Variants in DKK3 observed in about 807,000 individuals in gnomAD.
The protein encoded by DKK3 is dickkopf-related protein 3.
Under a neutral mutation model 33.2 loss-of-function variants are expected in DKK3, and 22 were observed. The observed-to-expected ratio is 0.66, with a 90% CI of 0.47 to 0.95. The LOEUF (loss-of-function observed/expected upper bound fraction) is 0.95. DKK3 is among the 40% of genes least tolerant of loss of function. The pLI, the probability that DKK3 is intolerant of heterozygous loss-of-function variation, is 0.00. For missense variants in DKK3, 398 were observed against 458.4 expected (o/e 0.87, Z 1.20); for synonymous variants, 194 against 188.8 (o/e 1.03, Z -0.23).
upstream of DKK3, chr11:12,008,911 C>T: frequency 9.3e-7 from 1 of 1,073,508 alleles, no homozygotes. This position sits in a 1 kb window ranked among gnomAD's most constrained non-coding sequence, Gnocchi z 4.6. Context: ...GAACCCGGAT[C>T]CTCTACGCTA....
At chr11:11,996,488 C>T (rs1002697186) in intron 3 of DKK3, among the ~76,000 whole-genome samples, 1 of 152,186 alleles carries the variant, frequency 6.6e-6, no homozygotes, top group Admixed American at 6.5e-5. Flanking sequence ...GTGAGGCACA[C>T]ATGCCACATT....
intron 3 of DKK3, among the ~76,000 whole-genome samples, chr11:11,976,045 T>C (rs959147988): frequency 3.3e-5 from 5 of 152,198 alleles, no homozygotes; most frequent in African/African-American, 1.2e-4. Context: ...ACTCTACCCC[T>C]AGCGTGGATC....
Position 11,964,557 on chromosome 11 carries a change from C to G in DKK3, c.960G>C (p.Glu320Asp). 1 of 1,614,212 alleles carries G rather than the reference C, an allele frequency of 6.2e-7. No individual in the cohort carries two copies. The highest frequency in any genetic ancestry group is 8.5e-7 in the Non-Finnish European group (1 of 1,180,044). ...VGSFMEEVRQ[E>D]LEDLERSLTE... The stretch of plus-strand genomic sequence containing the variant: ...TCAGGCTCCTCTCCAGGTCCTCCAG[C>G]TCCTGGCGCACCTCCTCCATGAAGC... The change falls in exon 7 of 7, where the codon GAG becomes GAC. Residue 320 changes from glutamate (E) to aspartate (D), a missense_variant. Physicochemically the swap from Glu to Asp is conservative, Grantham distance 45. Transcript: ENST00000683431.
chr11:11,993,520 CA>C (rs1293195407), intron 3 of DKK3, among the ~76,000 whole-genome samples: 5 of 152,068 alleles, frequency 3.3e-5, no homozygotes, highest in Non-Finnish European at 5.9e-5. Flanking sequence ...GAGGAGAGTA[CA>C]ACTTAATATA....
At chr11:12,000,269 G>T (rs942753222) in intron 2 of DKK3, among the ~76,000 whole-genome samples, 6 of 152,098 alleles carry the variant, frequency 3.9e-5, no homozygotes, top group Non-Finnish European at 8.8e-5. Flanking sequence ...CAGTTGCGAT[G>T]ATCTCGGCTC....
intron 5 of DKK3, among the ~76,000 whole-genome samples, chr11:11,966,600 T>C (rs1228665891): frequency 6.6e-6 from 1 of 152,062 alleles, no homozygotes; most frequent in Non-Finnish European, 1.5e-5. Context: ...AGACCTCACC[T>C]GGGAGAGGCA....
chr11:11,985,779 C>T (rs1006138565), intron 3 of DKK3, among the ~76,000 whole-genome samples: 1 of 152,184 alleles, frequency 6.6e-6, no homozygotes, highest in African/African-American at 2.4e-5. Context: ...CACACAGCAT[C>T]TGTGTATGTG....
chr11:12,003,738 T>C (rs1210317928), intron 1 of DKK3, among the ~76,000 whole-genome samples: 2 of 137,354 alleles, frequency 1.5e-5, no homozygotes, highest in Non-Finnish European at 3.1e-5. Flanking sequence ...CTATTTTTAT[T>C]TTTTTTTTTA....
At position 12,002,409 on chromosome 11, in the gene DKK3, GC is replaced by G; in HGVS notation, c.241del (p.Ala81HisfsTer5). 6.2e-7 allele frequency: 1 copy of G among 1,613,768 alleles called. No individual in the cohort carries two copies. Among genetic ancestry groups the G allele is most frequent in the Non-Finnish European group, 8.5e-7 (1 of 1,179,896 alleles). ...GTTTGCCAGGTTCACTTCTGATGAT[GC>G]TTTAGCAGCAGCTTCTTCTGCCTCC... ...EMEAEEAAAK[A>X]SSEVNLANLP... On this transcript the variant is annotated frameshift_variant, in exon 2 of 7. Transcript: ENST00000683431. LOFTEE classifies it high-confidence loss of function.
intron 3 of DKK3, among the ~76,000 whole-genome samples, chr11:11,984,485 A>G (rs1439105293): frequency 6.6e-6 from 1 of 152,228 alleles, no homozygotes; most frequent in African/African-American, 2.4e-5. Context: ...GAAGTGCTCA[A>G]TTTAATTTAA....
intron 3 of DKK3, among the ~76,000 whole-genome samples, chr11:11,975,863 C>A (rs1262932112): frequency 6.6e-6 from 1 of 152,190 alleles, no homozygotes; most frequent in Non-Finnish European, 1.5e-5. Context: ...AGGGCTGAGA[C>A]AGGCTTTTGC....
intron 3 of DKK3, among the ~76,000 whole-genome samples, chr11:11,991,082 G>A (rs960983257): frequency 2.0e-5 from 3 of 152,224 alleles, no homozygotes; most frequent in African/African-American, 4.8e-5. Context: ...CCATGGAGGG[G>A]TCCAGACGGA....
At chr11:11,987,741 CA>C (rs1396468131) in intron 3 of DKK3, among the ~76,000 whole-genome samples, 5 of 152,214 alleles carry the variant, frequency 3.3e-5, no homozygotes. Flanking sequence ...TTATCTTTGG[CA>C]TGAGGCCTGT....
chr11:12,005,754 C>CAA (rs1218254687), intron 1 of DKK3, among the ~76,000 whole-genome samples: 2 of 152,126 alleles, frequency 1.3e-5, no homozygotes, highest in Non-Finnish European at 2.9e-5. Context: ...TTCCCCTGAA[C>CAA]AATGACTAAA....
upstream of DKK3, chr11:12,009,324 G>A: frequency 1.0e-6 from 1 of 981,924 alleles, no homozygotes; most frequent in Non-Finnish European, 1.2e-6. Flanking sequence ...GTACCCGAGG[G>A]AGCCCGCAAG....
chr11:12,009,131 C>T, upstream of DKK3: 1 of 985,622 alleles, frequency 1.0e-6, no homozygotes, highest in South Asian at 4.7e-5. Context: ...AGGCTGAGCT[C>T]AGCAGAGTCG....
chr11:11,965,710 C>A, intron 6 of DKK3, 99 bp downstream of exon 6: 1 of 1,437,350 alleles, frequency 7.0e-7, no homozygotes, highest in South Asian at 1.4e-5. Context: ...AGGGAATCTA[C>A]ACCTCCCCCA....
intron 6 of DKK3, among the ~76,000 whole-genome samples, chr11:11,965,036 G>A (rs1033843234): frequency 6.6e-6 from 1 of 152,208 alleles, no homozygotes; most frequent in Non-Finnish European, 1.5e-5. Context: ...GCAGGAGTCA[G>A]CCTGACTCTG....
Position 11,966,953 on chromosome 11 carries a change from C to T in DKK3, c.673+1G>A, listed in dbSNP as rs759899303. The T allele has an allele frequency of 1.9e-6, 3 of 1,613,638 alleles. No homozygotes were observed. The highest frequency in any genetic ancestry group is 2.5e-6 in the Non-Finnish European group (3 of 1,179,734). On this transcript the variant is annotated splice_donor_variant, in intron 5 of 6. Transcript: ENST00000683431. LOFTEE classifies it high-confidence loss of function. ...CCTGCATCTGAGGGGAGGCCACTCA[C>T]CTCTCTGGAAGGCACAGCACAGCCC...
Sources: allele counts gnomAD v4.1 joint callset (sites outside exome capture counted in the v4.1 genomes callset), GRCh38; gene constraint gnomAD v4.1.1; non-coding constraint Gnocchi (gnomAD v3.1); transcripts MANE v1.5; gene names NCBI Gene and HGNC (gene_info 2026-07-23, HGNC 2026-07-21).